The following PDE9A variants were observed in gnomAD, a reference collection of about 807,000 sequenced individuals.
PDE9A encodes phosphodiesterase 9A.
A neutral mutation model predicts 87.4 loss-of-function variants in PDE9A; 60 were observed. That is an observed-to-expected ratio of 0.69 (90% confidence interval 0.56 to 0.85). The LOEUF is 0.85. Among genes scored for constraint, PDE9A ranks in the 40% least tolerant of loss-of-function variants. PDE9A has a pLI of 0.00. For missense variants in PDE9A, 665 were observed against 779.0 expected (o/e 0.85, Z 1.74); for synonymous variants, 272 against 279.4 (o/e 0.97, Z 0.27).
chr21:42,655,699 T>C (rs554906857), intron 1 of PDE9A, among the ~76,000 whole-genome samples: 4 of 152,330 alleles, frequency 2.6e-5, no homozygotes, highest in African/African-American at 9.6e-5. Context: ...AATGAGTGAA[T>C]GTAAACACTG....
chr21:42,670,735 A>G (rs367991706), intron 1 of PDE9A, among the ~76,000 whole-genome samples: 1 of 146,618 alleles, frequency 6.8e-6, no homozygotes, highest in African/African-American at 2.5e-5. Context: ...ACATACACCC[A>G]CATTCACACA....
At chr21:42,701,045 A>G (rs1267104409) in intron 4 of PDE9A, 1 of 152,240 alleles carries the variant, frequency 6.6e-6, no homozygotes, top group Non-Finnish European at 1.5e-5. Context: ...ATACAGACCA[A>G]TGTGGGAAGA....
chr21:42,753,861 CA>C (rs57957426), intron 9 of PDE9A, 128 bp from the exon 10 acceptor site: 204,015 of 429,668 alleles, frequency 0.47, 22,182 homozygotes, highest in East Asian at 0.51. Context: ...GACTCTATCT[CA>C]AAAAAAAAAA....
chr21:42,763,481 G>A (rs1569269139), intron 14 of PDE9A, among the ~76,000 whole-genome samples: 1 of 152,170 alleles, frequency 6.6e-6, no homozygotes, highest in South Asian at 2.1e-4. Flanking sequence ...AAGGGACTTC[G>A]GGGCCCCCAG....
chr21:42,773,663 T>C (rs774847023), intron 19 of PDE9A, among the ~76,000 whole-genome samples: 3 of 149,266 alleles, frequency 2.0e-5, no homozygotes, highest in Non-Finnish European at 3.0e-5. Context: ...TAGCCGGGCG[T>C]GGTGGCGGGT....
chr21:42,662,922 AT>A (rs2057672858), intron 1 of PDE9A, among the ~76,000 whole-genome samples: 1 of 145,550 alleles, frequency 6.9e-6, no homozygotes, highest in African/African-American at 2.6e-5. Context: ...GCACATGCAC[AT>A]CACACACATG....
chr21:42,732,225 C>T, intron 6 of PDE9A, 101 bp downstream of exon 6: 1 of 1,154,746 alleles, frequency 8.7e-7, no homozygotes, highest in Middle Eastern at 2.3e-4. Context: ...GGCCGGCAAG[C>T]GTGGCTGTCT....
At chr21:42,688,047 A>G (rs2059576336) in intron 3 of PDE9A, 53 bp downstream of exon 3, 2 of 1,377,004 alleles carry the variant, frequency 1.5e-6, no homozygotes, top group Admixed American at 3.3e-5. Flanking sequence ...TCTCTCCATG[A>G]CATGGGAGGC....
chr21:42,690,352 G>GTGGAAA (rs1261149685), intron 3 of PDE9A, among the ~76,000 whole-genome samples: 11 of 151,766 alleles, frequency 7.2e-5, no homozygotes, highest in East Asian at 5.8e-4. Context: ...TACAGGTGAT[G>GTGGAAA]CGGAAACGGA....
intron 15 of PDE9A, among the ~76,000 whole-genome samples, chr21:42,766,170 A>G (rs1456148228): frequency 6.6e-6 from 1 of 151,184 alleles, no homozygotes; most frequent in African/African-American, 2.5e-5. Flanking sequence ...TCTCCACAAA[A>G]AAAGAAAGAA....
Position 42,692,368 on chromosome 21 carries a change from C to T in PDE9A, c.218+4374C>T, listed in dbSNP as rs553109449. On this transcript the variant is annotated intron_variant, in intron 3 of 19. Transcript: ENST00000291539. This position sits in a 1 kb window ranked among gnomAD's most constrained non-coding sequence, Gnocchi z 4.3. ...CCGGGATGCCAATGGCATCCTACAG[C>T]GCACAGGACAGGCCCACAACAATGA... Among the ~76,000 whole-genome samples, 54 of 152,292 alleles carry T rather than the reference C, an allele frequency of 3.5e-4. No homozygotes were observed. Among genetic ancestry groups the T allele is most frequent in the African/African-American group, 1.3e-3 (52 of 41,556 alleles).
chr21:42,708,947 T>C (rs1348148311), intron 4 of PDE9A, among the ~76,000 whole-genome samples: 2 of 152,198 alleles, frequency 1.3e-5, no homozygotes, highest in Non-Finnish European at 2.9e-5. Context: ...AGCAATGACG[T>C]TTATATATAT....
intron 1 of PDE9A, among the ~76,000 whole-genome samples, chr21:42,672,750 A>G (rs1230132196): frequency 6.6e-6 from 1 of 152,218 alleles, no homozygotes; most frequent in Non-Finnish European, 1.5e-5. Flanking sequence ...TTATTAACGC[A>G]TATGTGTTTG....
chr21:42,699,085 T>C (rs767225874), intron 4 of PDE9A, 74 bp downstream of exon 4: 13 of 924,348 alleles, frequency 1.4e-5, no homozygotes, highest in Admixed American at 7.1e-5. Context: ...TGATAAAATA[T>C]ATACTAGTTA....
chr21:42,728,494 A>T (rs2051373112), intron 4 of PDE9A, among the ~76,000 whole-genome samples: 1 of 152,204 alleles, frequency 6.6e-6, no homozygotes, highest in South Asian at 2.1e-4. Context: ...TGGAGACTAC[A>T]TTGATTGGTT....
chr21:42,732,637 G>A (rs1390166406), intron 6 of PDE9A, among the ~76,000 whole-genome samples: 2 of 152,208 alleles, frequency 1.3e-5, no homozygotes, highest in African/African-American at 2.4e-5. Flanking sequence ...TGAATTGGCC[G>A]GGTGCGGTGG....
intron 4 of PDE9A, among the ~76,000 whole-genome samples, chr21:42,727,666 A>G (rs61013409): frequency 0.11 from 16,845 of 151,868 alleles, 1,170 homozygotes; most frequent in East Asian, 0.33. Context: ...TGTCTACATG[A>G]TCATTGCTAG....
At chr21:42,671,173 C>T (rs1316364985) in intron 1 of PDE9A, among the ~76,000 whole-genome samples, 1 of 152,002 alleles carries the variant, frequency 6.6e-6, no homozygotes, top group African/African-American at 2.4e-5. Context: ...GAGGTTGGGG[C>T]CCAGTTCAAG....
At chr21:42,743,885 G>C (rs1272061800) in intron 8 of PDE9A, 25 bp downstream of exon 8, 9 of 1,455,878 alleles carry the variant, frequency 6.2e-6, no homozygotes, top group Non-Finnish European at 7.6e-6. Flanking sequence ...GGGGCCACGG[G>C]CGGCCGGGCC....
Sources: gnomAD v4.1 joint callset for allele counts (sites outside exome capture counted in the v4.1 genomes callset) on GRCh38, gnomAD v4.1.1 for gene constraint, Gnocchi (gnomAD v3.1) non-coding constraint, MANE v1.5 for transcripts, NCBI Gene and HGNC (gene_info 2026-07-23, HGNC 2026-07-21) for gene names.